The following HDAC9 variants were observed in gnomAD, a reference collection of about 807,000 sequenced individuals.
The protein encoded by HDAC9 is MEF-2 interacting transcription repressor (MITR) protein.
In HDAC9, 41 loss-of-function variants were observed where a neutral mutation model predicts 139.4. The ratio of observed to expected loss-of-function variants is 0.29; its 90% CI spans 0.23 to 0.38. HDAC9 has a LOEUF of 0.38. Among genes scored for constraint, HDAC9 ranks in the 10% least tolerant of loss-of-function variants. The pLI is 1.00. For missense variants in HDAC9, 1,147 were observed against 1,297.0 expected, an observed-to-expected ratio of 0.88 and a Z score of 1.78; for synonymous variants, 517 against 476.2, an observed-to-expected ratio of 1.09 and a Z score of -1.12.
intron 1 of HDAC9, among the ~76,000 whole-genome samples, chr7:18,485,593 G>C (rs1435223852): frequency 6.6e-6 from 1 of 151,560 alleles, no homozygotes; most frequent in Non-Finnish European, 1.5e-5. Context: ...ATTCTAAGTA[G>C]TCCTTCAATC....
chr7:18,993,105 A>G (rs1257562809), intron 25 of HDAC9, among the ~76,000 whole-genome samples: 1 of 79,750 alleles, frequency 1.3e-5, no homozygotes, highest in Non-Finnish European at 2.8e-5. Context: ...TAAATGTTCC[A>G]TAAAGAAATC....
chr7:18,483,717 G>A (rs796226149), intron 1 of HDAC9, among the ~76,000 whole-genome samples: 3 of 152,170 alleles, frequency 2.0e-5, no homozygotes, highest in Admixed American at 1.3e-4. Context: ...AGTTCTTTCT[G>A]TTTTTTCATT....
rs79779096 is a variant in HDAC9, at chr7:18,391,726, A to G, written c.-42+101211A>G. 5.0e-3 allele frequency among the ~76,000 whole-genome samples: 759 copies of G among 152,356 alleles called. 9 individuals carry two copies. Among genetic ancestry groups the G allele is most frequent in the African/African-American group, 0.018 (729 of 41,578 alleles). ...TTAAGAATGGCAGCTTTGAAGTAAG[A>G]TGCCTGGATATAAACCCCTCACTTA... On this transcript the variant is annotated intron_variant, in intron 1 of 3. Transcript: ENST00000413509.
intron 22 of HDAC9, among the ~76,000 whole-genome samples, chr7:18,914,168 C>T (rs1802986478): frequency 6.6e-6 from 1 of 151,548 alleles, no homozygotes; most frequent in Non-Finnish European, 1.5e-5. Flanking sequence ...TGTCTATGCA[C>T]CAGAAAGTGG....
At chr7:18,533,345 C>A (rs1273732805) in intron 2 of HDAC9, among the ~76,000 whole-genome samples, 1 of 152,070 alleles carries the variant, frequency 6.6e-6, no homozygotes, top group Admixed American at 6.6e-5. Flanking sequence ...TTGCGTAATC[C>A]TCTCTTTCTT....
chr7:18,529,953 A>AG (rs1360818704), intron 2 of HDAC9, among the ~76,000 whole-genome samples: 2 of 152,056 alleles, frequency 1.3e-5, no homozygotes, highest in Non-Finnish European at 2.9e-5. Flanking sequence ...TTTTTTTAAA[A>AG]TACACATTTA....
rs544668591 is a variant in HDAC9 at position 18,849,023 on chromosome 7, T to C, written c.2684+13026T>C. ...CAACATCTGTAAGTATCATGAAAACTAACATTCTATAGAACACAGTTTGAA... is the reference window on the plus strand; with the variant it reads ...CAACATCTGTAAGTATCATGAAAACCAACATTCTATAGAACACAGTTTGAA... On this transcript the variant is annotated intron_variant, in intron 21 of 25. Coordinates refer to ENST00000686413, the MANE Select transcript of HDAC9 (RefSeq NM_178425.4). Among the ~76,000 whole-genome samples, 9 of 152,268 alleles carry C rather than the reference T, an allele frequency of 5.9e-5. No individual in the cohort carries two copies. The South Asian group carries it at 1.9e-3, about 32-fold the overall frequency.
At chr7:18,732,582 TATACACACAC>T in intron 13 of HDAC9, among the ~76,000 whole-genome samples, 1 of 149,850 alleles carries the variant, frequency 6.7e-6, no homozygotes, top group East Asian at 2.0e-4. Context: ...TGCATGTGTA[TATACACACAC>T]GTGTATATGT....
chr7:18,386,129 A>C (rs1176366809), intron 1 of HDAC9, among the ~76,000 whole-genome samples: 1 of 152,134 alleles, frequency 6.6e-6, no homozygotes, highest in Non-Finnish European at 1.5e-5. Flanking sequence ...GGCTCAGCTT[A>C]ACTCATCAAT....
chr7:18,357,028 T>TA (rs1783365278), intron 1 of HDAC9, among the ~76,000 whole-genome samples: 1 of 152,180 alleles, frequency 6.6e-6, no homozygotes, highest in South Asian at 2.1e-4. Context: ...AGAAATGCCT[T>TA]ACCTCTTCTC....
chr7:18,908,312 AGT>A (rs1479827620), intron 22 of HDAC9, among the ~76,000 whole-genome samples: 1 of 152,110 alleles, frequency 6.6e-6, no homozygotes. Context: ...ACATCTCTAC[AGT>A]GTGTAATGAT....
At chr7:18,447,279 CTTTAT>C (rs1272120893) in intron 1 of HDAC9, among the ~76,000 whole-genome samples, 1 of 152,088 alleles carries the variant, frequency 6.6e-6, no homozygotes, top group African/African-American at 2.4e-5. Context: ...ATATTTCACA[CTTTAT>C]TTTAATATAT....
intron 2 of HDAC9, among the ~76,000 whole-genome samples, chr7:18,169,584 A>G (rs1788262479): frequency 6.6e-6 from 1 of 151,816 alleles, no homozygotes; most frequent in African/African-American, 2.4e-5. Flanking sequence ...TACATTAGAT[A>G]TTTCTCCTAA....
chr7:18,746,334 G>A (rs1787976071), intron 13 of HDAC9, among the ~76,000 whole-genome samples: 1 of 151,992 alleles, frequency 6.6e-6, no homozygotes, highest in Admixed American at 6.5e-5. Context: ...GTGAAGACAC[G>A]TCTTACACAT....
intron 22 of HDAC9, among the ~76,000 whole-genome samples, chr7:18,932,787 G>GAGAAAGAGAAAAAGAAGAA (rs1804863426): frequency 6.9e-6 from 1 of 144,276 alleles, no homozygotes; most frequent in Non-Finnish European, 1.5e-5. Context: ...GAACGTAAGA[G>GAGAAAGAGAAAAAGAAGAA]AGAAAGAGAA....
chr7:18,625,649 A>G (rs1562633667), intron 6 of HDAC9, among the ~76,000 whole-genome samples: 1 of 152,140 alleles, frequency 6.6e-6, no homozygotes, highest in Non-Finnish European at 1.5e-5. Context: ...AGTAGCTGCA[A>G]GATATGTGGG....
At chr7:18,852,243 G>T (rs930572344) in intron 21 of HDAC9, among the ~76,000 whole-genome samples, 1 of 152,200 alleles carries the variant, frequency 6.6e-6, no homozygotes, top group Non-Finnish European at 1.5e-5. Flanking sequence ...ATCACTACAA[G>T]ACAATTAGAG....
chr7:18,733,662 T>C (rs1786608222), intron 13 of HDAC9, among the ~76,000 whole-genome samples: 1 of 151,802 alleles, frequency 6.6e-6, no homozygotes, highest in African/African-American at 2.4e-5. Context: ...TACATATTAT[T>C]TATGTGTATC....
At chr7:18,333,575 A>G (rs1458368862) in intron 1 of HDAC9, among the ~76,000 whole-genome samples, 1 of 151,526 alleles carries the variant, frequency 6.6e-6, no homozygotes, top group Non-Finnish European at 1.5e-5. Flanking sequence ...TATTTAGAAA[A>G]TAGTAACACC....
Sources: allele counts gnomAD v4.1 joint callset (sites outside exome capture counted in the v4.1 genomes callset), GRCh38; gene constraint gnomAD v4.1.1; transcripts MANE v1.5; gene names NCBI Gene and HGNC (gene_info 2026-07-23, HGNC 2026-07-21).